Variants in ARHGAP31 observed in about 807,000 individuals in gnomAD.
ARHGAP31 encodes rho GTPase-activating protein 31.
Under a neutral mutation model 113.9 loss-of-function variants are expected in ARHGAP31, and 34 were observed. That is an observed-to-expected ratio of 0.30 (90% CI 0.23 to 0.40). The LOEUF (loss-of-function observed/expected upper bound fraction) is 0.40. Among genes scored for constraint, ARHGAP31 ranks in the 10% least tolerant of loss-of-function variants. ARHGAP31 has a pLI of 1.00. For synonymous variants in ARHGAP31, 650 were observed against 684.8 expected, an observed-to-expected ratio of 0.95 and a Z score of 0.79; for missense variants, 1,548 against 1,767.1, an observed-to-expected ratio of 0.88 and a Z score of 2.22.
chr3:119,335,843 G>A (rs1243030280), intron 1 of ARHGAP31, among the ~76,000 whole-genome samples: 1 of 152,198 alleles, frequency 6.6e-6, no homozygotes, highest in Non-Finnish European at 1.5e-5. Flanking sequence ...ACAGCTGCCC[G>A]AGTGCACAGG....
chr3:119,315,465 C>T (rs748871115), intron 1 of ARHGAP31, among the ~76,000 whole-genome samples: 6 of 152,178 alleles, frequency 3.9e-5, no homozygotes, highest in Admixed American at 6.5e-5. Flanking sequence ...CAGCAGAGCA[C>T]GATGATCACC....
chr3:119,296,700 CT>C (rs2079536469), intron 1 of ARHGAP31, among the ~76,000 whole-genome samples: 1 of 152,158 alleles, frequency 6.6e-6, no homozygotes, highest in South Asian at 2.1e-4. Flanking sequence ...CTTTAGGCAG[CT>C]GTTCTTTCAC....
chr3:119,336,841 A>G (rs960159732), intron 1 of ARHGAP31, among the ~76,000 whole-genome samples: 5 of 152,176 alleles, frequency 3.3e-5, no homozygotes, highest in African/African-American at 9.7e-5. Context: ...TCCCGGCCCT[A>G]AGAAACCATG....
chr3:119,363,695 A>G (rs867950987), intron 1 of ARHGAP31, among the ~76,000 whole-genome samples: 1 of 152,222 alleles, frequency 6.6e-6, no homozygotes, highest in Admixed American at 6.5e-5. Flanking sequence ...GCGTCTACCC[A>G]CATAAAGATC....
intron 1 of ARHGAP31, among the ~76,000 whole-genome samples, chr3:119,357,381 G>C (rs926046564): frequency 2.6e-5 from 4 of 152,170 alleles, no homozygotes; most frequent in Admixed American, 1.3e-4. Context: ...GAAGTGGCAG[G>C]CTGTCCAGCG....
intron 1 of ARHGAP31, among the ~76,000 whole-genome samples, chr3:119,320,443 A>G (rs537333549): frequency 1.1e-4 from 17 of 152,342 alleles, no homozygotes; most frequent in African/African-American, 2.9e-4. Flanking sequence ...GGTATCAACA[A>G]CCTTGGGCCA....
At chr3:119,340,859 G>A (rs146882828) in intron 1 of ARHGAP31, among the ~76,000 whole-genome samples, 125 of 152,296 alleles carry the variant, frequency 8.2e-4, no homozygotes, top group South Asian at 1.2e-3. Flanking sequence ...CTTCTCTTAA[G>A]TATGTTAATG....
At chr3:119,305,828 G>T (rs2079626808) in intron 1 of ARHGAP31, among the ~76,000 whole-genome samples, 1 of 152,196 alleles carries the variant, frequency 6.6e-6, no homozygotes, top group Admixed American at 6.5e-5. Flanking sequence ...GGGGCCCTCT[G>T]AGGCTGCATT....
chr3:119,305,586 G>A (rs917775399), intron 1 of ARHGAP31, among the ~76,000 whole-genome samples: 4 of 152,120 alleles, frequency 2.6e-5, no homozygotes, highest in Admixed American at 1.3e-4. Context: ...TACTTTTGGC[G>A]ACAATTGTTG....
chr3:119,336,654 G>T (rs982522931), intron 1 of ARHGAP31, among the ~76,000 whole-genome samples: 2 of 151,802 alleles, frequency 1.3e-5, no homozygotes, highest in African/African-American at 4.8e-5. Context: ...ATTTTATTGA[G>T]ATATAATTAA....
intron 9 of ARHGAP31, among the ~76,000 whole-genome samples, chr3:119,401,102 T>C (rs1376065989): frequency 6.8e-6 from 1 of 146,732 alleles, no homozygotes; most frequent in Non-Finnish European, 1.5e-5. Context: ...ACCCGGGAGG[T>C]GGAGGTTGCA....
chr3:119,313,929 G>A (rs2079706171), intron 1 of ARHGAP31, among the ~76,000 whole-genome samples: 1 of 152,228 alleles, frequency 6.6e-6, no homozygotes, highest in African/African-American at 2.4e-5. Flanking sequence ...AAAGGAGAAT[G>A]TCTTAATAAG....
At chr3:119,334,249 G>GC (rs1360005460) in intron 1 of ARHGAP31, among the ~76,000 whole-genome samples, 1 of 151,820 alleles carries the variant, frequency 6.6e-6, no homozygotes, top group African/African-American at 2.4e-5. Context: ...CCCCACTCCA[G>GC]CCCCCACCCT....
chr3:119,309,276 A>G (rs974086759), intron 1 of ARHGAP31, among the ~76,000 whole-genome samples: 4 of 152,224 alleles, frequency 2.6e-5, no homozygotes, highest in Non-Finnish European at 5.9e-5. Context: ...ATGAGTCTCT[A>G]CTTTGTAGAC....
chr3:119,344,591 G>C (rs1443047773), intron 1 of ARHGAP31, among the ~76,000 whole-genome samples: 1 of 152,174 alleles, frequency 6.6e-6, no homozygotes, highest in Non-Finnish European at 1.5e-5. Flanking sequence ...AGCTTATTGG[G>C]CCACTGTTCC....
intron 6 of ARHGAP31, among the ~76,000 whole-genome samples, chr3:119,384,657 G>C (rs1049151614): frequency 6.6e-6 from 1 of 152,150 alleles, no homozygotes; most frequent in African/African-American, 2.4e-5. Flanking sequence ...ATAATGACAT[G>C]AATCCACTTA....
At chr3:119,341,879 G>C (rs1020545548) in intron 1 of ARHGAP31, 3 of 151,462 alleles carry the variant, frequency 2.0e-5, no homozygotes, top group Non-Finnish European at 2.9e-5. Flanking sequence ...CCTTGCGCAG[G>C]AGCCATGCTA....
intron 1 of ARHGAP31, among the ~76,000 whole-genome samples, chr3:119,337,048 A>G (rs1036739152): frequency 3.9e-5 from 6 of 152,236 alleles, no homozygotes; most frequent in African/African-American, 1.4e-4. Flanking sequence ...TTATCCATTC[A>G]TCAGTTGATG....
chr3:119,328,388 T>A (rs1212882888), intron 1 of ARHGAP31, among the ~76,000 whole-genome samples: 2 of 152,184 alleles, frequency 1.3e-5, no homozygotes, highest in Non-Finnish European at 2.9e-5. Context: ...TCTCCAGTGA[T>A]GGGAAACTCC....
Sources: allele counts gnomAD v4.1 joint callset (sites outside exome capture counted in the v4.1 genomes callset), GRCh38; gene constraint gnomAD v4.1.1; transcripts MANE v1.5; gene names NCBI Gene and HGNC (gene_info 2026-07-23, HGNC 2026-07-21).